Variants in FRMD6 observed in about 807,000 individuals in gnomAD.
FRMD6 encodes FERM domain-containing protein 6.
In FRMD6, 37 loss-of-function variants were observed where a neutral mutation model predicts 73.2. The observed-to-expected ratio is 0.51, with a 90% CI of 0.39 to 0.66. FRMD6 has a LOEUF of 0.66. Ranked by LOEUF, FRMD6 falls within the 30% of genes least tolerant of loss-of-function variation. FRMD6 has a pLI of 0.00. For missense variants in FRMD6, 714 were observed against 780.5 expected (o/e 0.91, Z 1.02); for synonymous variants, 273 against 282.2 (o/e 0.97, Z 0.33).
At chr14:51,437,826 G>T in the FRMD6 span, among the ~76,000 whole-genome samples, 1 of 152,074 alleles carries the variant, frequency 6.6e-6, no homozygotes, top group African/African-American at 2.4e-5. Flanking sequence ...TTTCCTGTCT[G>T]AACAAAAACT....
rs200593366 is a variant in FRMD6, at chr14:51,720,130, G to A, written c.1100G>A (p.Arg367Gln). ...ATGGACCAGCTGGAAAAACGGTCGC[G>A]GGCCAGCGGGAGCAGTGCGGGCAGC... is the stretch of plus-strand genomic sequence containing the variant. ...LDMDQLEKRSRASGSSAGSMK... is the reference protein window; with the variant it reads ...LDMDQLEKRSQASGSSAGSMK... The change falls in exon 11 of 14, where the codon CGG (arginine) becomes CAG (glutamine). Residue 367 changes from arginine (R) to glutamine (Q), a missense_variant. Physicochemically the swap from Arg to Gln is conservative, Grantham distance 43 (BLOSUM62 1). Transcript: ENST00000344768. The A allele has an allele frequency of 1.6e-5, 26 of 1,613,798 alleles. No homozygotes were observed. In the African/African-American group the frequency reaches 2.0e-4, roughly 12 times the overall value.
intron 1 of FRMD6, among the ~76,000 whole-genome samples, chr14:51,542,393 G>C (rs529550113): frequency 3.3e-5 from 5 of 152,088 alleles, no homozygotes; most frequent in South Asian, 4.1e-4. Context: ...GTGTGGCCTT[G>C]TGTGTCTGGC....
chr14:51,672,530 G>A (rs1894082492), intron 1 of FRMD6, among the ~76,000 whole-genome samples: 1 of 152,126 alleles, frequency 6.6e-6, no homozygotes, highest in African/African-American at 2.4e-5. Context: ...GCATTGACAT[G>A]GTTAAATTCC....
chr14:51,639,169 A>C (rs559777472), intron 2 of FRMD6, among the ~76,000 whole-genome samples: 1 of 152,112 alleles, frequency 6.6e-6, no homozygotes, highest in Non-Finnish European at 1.5e-5. Context: ...CACACACAAA[A>C]ATAATTATTA....
intron 1 of FRMD6, among the ~76,000 whole-genome samples, chr14:51,527,639 T>G (rs1376373467): frequency 6.6e-6 from 1 of 152,176 alleles, no homozygotes; most frequent in Non-Finnish European, 1.5e-5. Context: ...CTGCAAAATA[T>G]GTCAGAGTTG....
intron 1 of FRMD6, among the ~76,000 whole-genome samples, chr14:51,559,468 G>A (rs540791721): frequency 8.1e-4 from 121 of 150,218 alleles, no homozygotes; most frequent in African/African-American, 2.8e-3. Context: ...TATATTCCAC[G>A]TTACTTTTTT....
chr14:51,466,092 ACATTT>A, the FRMD6 span, among the ~76,000 whole-genome samples: 109 of 152,254 alleles, frequency 7.2e-4, no homozygotes, highest in African/African-American at 2.5e-3. Context: ...AGGCACTTGT[ACATTT>A]CATGAAGTGT....
upstream of FRMD6, among the ~76,000 whole-genome samples, chr14:51,648,917 T>C (rs1372134519): frequency 1.3e-5 from 2 of 152,216 alleles, no homozygotes; most frequent in Non-Finnish European, 2.9e-5. Flanking sequence ...AAAATAATGT[T>C]TCCCTGGTGG....
intron 1 of FRMD6, among the ~76,000 whole-genome samples, chr14:51,524,490 T>C (rs1341269893): frequency 1.3e-5 from 2 of 151,732 alleles, no homozygotes; most frequent in African/African-American, 4.9e-5. Context: ...TTCTCTACCA[T>C]TGGATTTGCT....
chr14:51,654,842 A>G (rs1892708145), intron 1 of FRMD6, among the ~76,000 whole-genome samples: 1 of 152,110 alleles, frequency 6.6e-6, no homozygotes. Context: ...TAAGTCTTCT[A>G]AAGGATAGAA....
chr14:51,480,953 C>T, the FRMD6 span, among the ~76,000 whole-genome samples: 2 of 152,162 alleles, frequency 1.3e-5, no homozygotes, highest in Admixed American at 1.3e-4. Context: ...TCAATAAATG[C>T]TCCTCTAAAA....
At chr14:51,502,189 G>A (rs1883665265) in intron 1 of FRMD6, among the ~76,000 whole-genome samples, 2 of 152,140 alleles carry the variant, frequency 1.3e-5, no homozygotes, top group South Asian at 2.1e-4. Flanking sequence ...CTGTACAGAA[G>A]CTCTTTAGAT....
chr14:51,480,009 G>A, the FRMD6 span, among the ~76,000 whole-genome samples: 1 of 152,160 alleles, frequency 6.6e-6, no homozygotes, highest in Non-Finnish European at 1.5e-5. Flanking sequence ...GCAATTAATT[G>A]TCTATACTTC....
chr14:51,704,520 C>T (rs552304316), intron 5 of FRMD6: 11 of 468,372 alleles, frequency 2.3e-5, no homozygotes, highest in East Asian at 1.5e-4. Flanking sequence ...CCTTAGGAAA[C>T]GTTATTTTTA....
the FRMD6 span, among the ~76,000 whole-genome samples, chr14:51,466,440 A>G: frequency 3.9e-5 from 6 of 152,190 alleles, no homozygotes; most frequent in Non-Finnish European, 8.8e-5. Flanking sequence ...GTATTATGTG[A>G]GATGAAAATT....
At chr14:51,431,942 C>T in the FRMD6 span, among the ~76,000 whole-genome samples, 10 of 152,128 alleles carry the variant, frequency 6.6e-5, no homozygotes, top group Non-Finnish European at 1.3e-4. Flanking sequence ...GCTGTGTGAG[C>T]TAAATAAGGC....
chr14:51,678,327 T>TA (rs903045967), intron 1 of FRMD6, among the ~76,000 whole-genome samples: 65 of 152,280 alleles, frequency 4.3e-4, no homozygotes, highest in African/African-American at 1.6e-3. Context: ...TGTGTCTCCT[T>TA]ATGTGTTTGC....
At position 51,560,742 on chromosome 14, in the gene FRMD6, C is replaced by G. The variant is rs188487941; in HGVS notation, c.-209-9606C>G. 1.3e-3 allele frequency among the ~76,000 whole-genome samples: 201 copies of G among 152,290 alleles called. 1 individual carries two copies. The highest frequency in any genetic ancestry group is 2.3e-3 in the Non-Finnish European group (159 of 68,022). On this transcript the variant is annotated intron_variant, in intron 1 of 14. Transcript: ENST00000356218. ...CAGGTGATCCACCTGCCTCAGACTC[C>G]CAAAGTGCTGGGATTACAGGCGTGA...
At chr14:51,470,129 C>A in the FRMD6 span, among the ~76,000 whole-genome samples, 2 of 151,698 alleles carry the variant, frequency 1.3e-5, no homozygotes, top group Non-Finnish European at 2.9e-5. Context: ...TAATGATAAC[C>A]CCCTTTTCAT....
Sources: gnomAD v4.1 joint callset for allele counts (sites outside exome capture counted in the v4.1 genomes callset) on GRCh38, gnomAD v4.1.1 for gene constraint, MANE v1.5 for transcripts, NCBI Gene and HGNC (gene_info 2026-07-23, HGNC 2026-07-21) for gene names.